LHFPL3: variants seen among roughly 807,000 people sequenced by gnomAD.
LHFPL3 encodes LHFPL tetraspan subfamily member 3 protein.
LHFPL3 carries 5 observed loss-of-function variants against 19.3 expected under a neutral mutation model. That is an observed-to-expected ratio of 0.26 (90% CI 0.14 to 0.54). The LOEUF (loss-of-function observed/expected upper bound fraction) is 0.54, where lower values mean the gene tolerates loss of function less well. Ranked by LOEUF, LHFPL3 falls within the 20% of genes least tolerant of loss-of-function variation. The pLI, the probability that LHFPL3 is intolerant of heterozygous loss-of-function variation, is 0.94. For missense variants in LHFPL3, 249 were observed against 307.4 expected, an observed-to-expected ratio of 0.81 and a Z score of 1.42; for synonymous variants, 133 against 126.2, an observed-to-expected ratio of 1.05 and a Z score of -0.36.
chr7:104,614,709 T>G (rs907384146), intron 1 of LHFPL3, among the ~76,000 whole-genome samples: 1 of 144,710 alleles, frequency 6.9e-6, no homozygotes, highest in Non-Finnish European at 1.5e-5. Flanking sequence ...CTTTCTTTCT[T>G]TCTTTCTTTC....
chr7:104,363,143 T>A (rs1790422177), intron 1 of LHFPL3, among the ~76,000 whole-genome samples: 2 of 152,236 alleles, frequency 1.3e-5, no homozygotes, highest in South Asian at 4.1e-4. Flanking sequence ...TTGGCGACTG[T>A]TATCACCTTT....
chr7:104,443,579 C>T (rs1792268389), intron 1 of LHFPL3, among the ~76,000 whole-genome samples: 1 of 152,232 alleles, frequency 6.6e-6, no homozygotes, highest in Non-Finnish European at 1.5e-5. Context: ...ATAATGGAAG[C>T]TAGCTCCAGG....
At chr7:104,419,991 A>AC (rs1055213898) in intron 1 of LHFPL3, among the ~76,000 whole-genome samples, 1 of 152,160 alleles carries the variant, frequency 6.6e-6, no homozygotes, top group South Asian at 2.1e-4. Context: ...AACAACAACA[A>AC]AAAACAGTGG....
At chr7:104,739,201 G>A (rs1439953353) in intron 2 of LHFPL3, among the ~76,000 whole-genome samples, 1 of 152,140 alleles carries the variant, frequency 6.6e-6, no homozygotes, top group African/African-American at 2.4e-5. Flanking sequence ...ATAAAATTTA[G>A]TCAAACCTGC....
intron 1 of LHFPL3, among the ~76,000 whole-genome samples, chr7:104,416,027 C>T (rs1791615066): frequency 6.6e-6 from 1 of 152,214 alleles, no homozygotes; most frequent in South Asian, 2.1e-4. Flanking sequence ...TACCTCAGAA[C>T]ATGACCTCAT....
intron 1 of LHFPL3, among the ~76,000 whole-genome samples, chr7:104,541,195 C>T (rs1432902806): frequency 2.0e-5 from 3 of 151,392 alleles, no homozygotes; most frequent in Non-Finnish European, 4.4e-5. Flanking sequence ...CTTCTCTGAT[C>T]TCCAAGGCTG....
At chr7:104,335,212 G>T (rs1040464869) in intron 1 of LHFPL3, among the ~76,000 whole-genome samples, 3 of 152,092 alleles carry the variant, frequency 2.0e-5, no homozygotes, top group African/African-American at 7.2e-5. Context: ...GTGAGCTCTT[G>T]CCCCAAAATG....
intron 1 of LHFPL3, among the ~76,000 whole-genome samples, chr7:104,563,955 C>G (rs1306249646): frequency 4.3e-4 from 65 of 152,162 alleles, no homozygotes; most frequent in Non-Finnish European, 1.5e-5. Context: ...ACTGATCTTT[C>G]TGCCATAGAA....
chr7:104,868,757 C>T (rs1198131431), intron 2 of LHFPL3, among the ~76,000 whole-genome samples: 5 of 152,236 alleles, frequency 3.3e-5, no homozygotes, highest in Non-Finnish European at 2.9e-5. Context: ...AAAAAGAGCC[C>T]GCATTGCCAA....
chr7:104,744,626 C>T (rs1794005602), intron 2 of LHFPL3, among the ~76,000 whole-genome samples: 1 of 152,212 alleles, frequency 6.6e-6, no homozygotes. Flanking sequence ...TCATTCCATT[C>T]AGGTTTTCAC....
intron 2 of LHFPL3, among the ~76,000 whole-genome samples, chr7:104,849,809 T>C (rs1460066497): frequency 6.6e-6 from 1 of 152,226 alleles, no homozygotes; most frequent in African/African-American, 2.4e-5. Context: ...GGACTCTCCC[T>C]GGAATGGGGG....
At chr7:104,652,461 T>C (rs1200771785) in intron 1 of LHFPL3, among the ~76,000 whole-genome samples, 1 of 152,238 alleles carries the variant, frequency 6.6e-6, no homozygotes, top group African/African-American at 2.4e-5. Context: ...ATGTGATATT[T>C]TGATATCTGT....
At chr7:104,475,117 C>T (rs536727247) in intron 1 of LHFPL3, among the ~76,000 whole-genome samples, 8 of 152,230 alleles carry the variant, frequency 5.3e-5, no homozygotes, top group African/African-American at 9.6e-5. Flanking sequence ...TTTAAAACAC[C>T]GCTTGTAAGC....
chr7:104,688,570 C>T (rs1353666219), intron 1 of LHFPL3, among the ~76,000 whole-genome samples: 1 of 111,608 alleles, frequency 9.0e-6, no homozygotes, highest in African/African-American at 3.1e-5. Context: ...CTCCCCACCC[C>T]CCTGTGGTGG....
At chr7:104,425,943 A>G (rs748809985) in intron 1 of LHFPL3, among the ~76,000 whole-genome samples, 1 of 152,192 alleles carries the variant, frequency 6.6e-6, no homozygotes, top group Non-Finnish European at 1.5e-5. Flanking sequence ...CAAATAAACT[A>G]TACATAGAAT....
At position 104,633,820 on chromosome 7, in the gene LHFPL3, C is replaced by T. The variant is rs115642227; in HGVS notation, c.446-102855C>T. Among the ~76,000 whole-genome samples the T allele has an allele frequency of 3.9e-3, 593 of 152,296 alleles. 7 individuals carry two copies. The highest frequency in any genetic ancestry group is 0.013 in the African/African-American group (540 of 41,548). On this transcript the variant is annotated intron_variant, in intron 1 of 2. Coordinates refer to ENST00000424859, the MANE Select transcript of LHFPL3 (RefSeq NM_199000.3). ...TCATCTTTATTAAAGTAACTACTAA[C>T]GTTGCCAACACTAAGTTATAATATT...
intron 1 of LHFPL3, among the ~76,000 whole-genome samples, chr7:104,394,750 G>C (rs1256365730): frequency 6.7e-6 from 1 of 150,004 alleles, no homozygotes; most frequent in South Asian, 2.1e-4. Flanking sequence ...GTTCAGGCTT[G>C]AGTGCAGTAA....
At chr7:104,806,621 C>A (rs529960602) in intron 2 of LHFPL3, among the ~76,000 whole-genome samples, 24 of 151,518 alleles carry the variant, frequency 1.6e-4, no homozygotes, top group African/African-American at 5.6e-4. Flanking sequence ...TGAGTGTTTT[C>A]AACATGAAAA....
chr7:104,898,006 CTTTTT>C (rs71155536), intron 2 of LHFPL3, among the ~76,000 whole-genome samples: 21 of 96,806 alleles, frequency 2.2e-4, no homozygotes, highest in African/African-American at 4.1e-5. Flanking sequence ...AATGTCACCC[CTTTTT>C]TTTTTTTTTT....
Sources: allele counts gnomAD v4.1 joint callset (sites outside exome capture counted in the v4.1 genomes callset), GRCh38; gene constraint gnomAD v4.1.1; transcripts MANE v1.5; gene names NCBI Gene and HGNC (gene_info 2026-07-23, HGNC 2026-07-21).